The following PRKG1 variants were observed in gnomAD, a reference collection of about 807,000 sequenced individuals.
PRKG1 encodes the protein cGMP-dependent protein kinase 1.
Under a neutral mutation model 88.1 loss-of-function variants are expected in PRKG1, and 35 were observed. The ratio of observed to expected loss-of-function variants is 0.40; its 90% CI spans 0.30 to 0.53. The LOEUF is 0.53. PRKG1 is among the 20% of genes least tolerant of loss of function. The pLI is 0.59. For synonymous variants in PRKG1, 303 were observed against 292.5 expected (o/e 1.04, Z -0.37); for missense variants, 540 against 839.8 (o/e 0.64, Z 4.41).
chr10:51,401,803 A>C (rs1423364307), intron 2 of PRKG1, among the ~76,000 whole-genome samples: 1 of 152,166 alleles, frequency 6.6e-6, no homozygotes, highest in East Asian at 1.9e-4. Flanking sequence ...AAACACAAAA[A>C]TAGGAACTCT....
At chr10:51,849,822 AG>A (rs1315214397) in intron 4 of PRKG1, among the ~76,000 whole-genome samples, 2 of 152,188 alleles carry the variant, frequency 1.3e-5, no homozygotes, top group Non-Finnish European at 2.9e-5. Flanking sequence ...ACATTCAAAC[AG>A]GGGCAGACTC....
At chr10:51,268,571 G>T (rs1839897019) in intron 2 of PRKG1, among the ~76,000 whole-genome samples, 1 of 152,166 alleles carries the variant, frequency 6.6e-6, no homozygotes, top group Admixed American at 6.5e-5. Flanking sequence ...CGGCTCAGCA[G>T]TCAGAGTTTA....
intron 3 of PRKG1, among the ~76,000 whole-genome samples, chr10:51,721,212 TAAAAAAA>T (rs55873432): frequency 6.6e-5 from 8 of 122,040 alleles, no homozygotes; most frequent in African/African-American, 1.3e-4. Context: ...CAAGACCTAT[TAAAAAAA>T]AAAAAAAAAA....
intron 3 of PRKG1, among the ~76,000 whole-genome samples, chr10:51,468,779 G>A (rs1053750110): frequency 4.0e-5 from 6 of 151,678 alleles, no homozygotes; most frequent in South Asian, 2.1e-4. Context: ...TCTGGATCTC[G>A]TTGACTACTT....
In PRKG1 at chr10:51,461,279, T is replaced by C. The variant is rs79116413; in HGVS notation, c.479-6444T>C. On this transcript the variant is annotated intron_variant, in intron 2 of 17. Transcript: ENST00000373980. ...CATTGTTTCATTCCATTTGGATAAC[T>C]AGTGCTTTTGAGCACCCTGTAAGAA... Among the ~76,000 whole-genome samples the C allele has an allele frequency of 4.1e-3, 630 of 152,298 alleles. 4 individuals carry two copies. The highest frequency in any genetic ancestry group is 0.014 in the African/African-American group (594 of 41,562).
chr10:51,387,131 C>G lies in PRKG1; in HGVS notation c.479-80592C>G, dbSNP rs534786750. ...ACTGAAGGTGAGAGCAGCCAATCAT[C>G]TGGCACAAGGTCCCATACAGAACTA... On this transcript the variant is annotated intron_variant, in intron 2 of 17. Coordinates refer to ENST00000373980, the MANE Select transcript of PRKG1 (RefSeq NM_006258.4). Among the ~76,000 whole-genome samples the G allele has an allele frequency of 3.6e-4, 55 of 151,962 alleles. No homozygotes were observed. In the South Asian group the frequency reaches 4.2e-3, roughly 11 times the overall value.
At chr10:52,032,041 A>G in intron 5 of PRKG1, among the ~76,000 whole-genome samples, 1 of 152,210 alleles carries the variant, frequency 6.6e-6, no homozygotes, top group East Asian at 1.9e-4. Context: ...AGATCTGAAT[A>G]TTATGCCATG....
intron 1 of PRKG1, among the ~76,000 whole-genome samples, chr10:51,100,817 T>A (rs1192685596): frequency 6.6e-6 from 1 of 152,164 alleles, no homozygotes; most frequent in African/African-American, 2.4e-5. Flanking sequence ...TAAAGACTTA[T>A]GAATCTTGCA....
intron 5 of PRKG1, among the ~76,000 whole-genome samples, chr10:52,013,136 G>C (rs1305133061): frequency 6.6e-6 from 1 of 151,820 alleles, no homozygotes; most frequent in East Asian, 1.9e-4. Flanking sequence ...ATGGTTGGGA[G>C]GGCCGGGTGC....
intron 4 of PRKG1, among the ~76,000 whole-genome samples, chr10:51,842,415 T>TTACA (rs1311587896): frequency 6.6e-6 from 1 of 152,208 alleles, no homozygotes; most frequent in African/African-American, 2.4e-5. Flanking sequence ...AGACCATTTG[T>TTACA]TACACTACAC....
intron 5 of PRKG1, among the ~76,000 whole-genome samples, chr10:51,985,281 G>T (rs1249644303): frequency 2.0e-5 from 3 of 151,966 alleles, no homozygotes; most frequent in Non-Finnish European, 2.9e-5. Context: ...ATTCAAGCTT[G>T]TTTCATGCGA....
intron 5 of PRKG1, among the ~76,000 whole-genome samples, chr10:51,921,186 AT>A (rs1458522014): frequency 1.3e-5 from 2 of 152,028 alleles, no homozygotes; most frequent in Non-Finnish European, 2.9e-5. Flanking sequence ...TATACATGAT[AT>A]TGTGTTTTTA....
At chr10:51,728,381 G>A (rs1405804084) in intron 3 of PRKG1, among the ~76,000 whole-genome samples, 1 of 147,044 alleles carries the variant, frequency 6.8e-6, no homozygotes, top group African/African-American at 2.5e-5. Context: ...ATAAACAGAA[G>A]TTTCTTTGAA....
intron 5 of PRKG1, among the ~76,000 whole-genome samples, chr10:52,035,719 G>A (rs4935307): frequency 0.66 from 99,484 of 151,516 alleles, 33,205 homozygotes; most frequent in South Asian, 0.74. Context: ...AGGAGCCGGG[G>A]AGCAGAAAGT....
chr10:52,233,206 G>A (rs2132355488), intron 9 of PRKG1, among the ~76,000 whole-genome samples: 1 of 151,030 alleles, frequency 6.6e-6, no homozygotes, highest in South Asian at 2.1e-4. Context: ...AAGAGAGAGA[G>A]AGAGAGTAGT....
intron 1 of PRKG1, among the ~76,000 whole-genome samples, chr10:51,033,666 A>T (rs1365857132): frequency 6.6e-6 from 1 of 152,196 alleles, no homozygotes; most frequent in African/African-American, 2.4e-5. Context: ...TTTAAATCAC[A>T]TGTCTTAAAA....
chr10:51,532,725 C>T (rs1183552920), intron 3 of PRKG1, among the ~76,000 whole-genome samples: 1 of 152,146 alleles, frequency 6.6e-6, no homozygotes, highest in Non-Finnish European at 1.5e-5. Context: ...TAAGGCAGCT[C>T]TTTGACCCCT....
intron 1 of PRKG1, among the ~76,000 whole-genome samples, chr10:51,028,203 T>C (rs1424620750): frequency 6.6e-6 from 1 of 152,202 alleles, no homozygotes. Context: ...TCAGATATGC[T>C]AATTTATTTA....
intron 4 of PRKG1, among the ~76,000 whole-genome samples, chr10:51,805,869 C>G (rs1193956903): frequency 6.6e-6 from 1 of 152,086 alleles, no homozygotes; most frequent in Non-Finnish European, 1.5e-5. Context: ...GCATTAATTA[C>G]TGTCAGCAGG....
Sources: gnomAD v4.1 joint callset for allele counts (sites outside exome capture counted in the v4.1 genomes callset) on GRCh38, gnomAD v4.1.1 for gene constraint, MANE v1.5 for transcripts, NCBI Gene and HGNC (gene_info 2026-07-23, HGNC 2026-07-21) for gene names.